The following GAB1 variants were observed in gnomAD, a reference collection of about 807,000 sequenced individuals.
The protein encoded by GAB1 is GRB2-associated-binding protein 1.
In GAB1, 19 loss-of-function variants were observed where a neutral mutation model predicts 66.5. That is an observed-to-expected ratio of 0.29 (90% confidence interval 0.20 to 0.42). The LOEUF is 0.42. Ranked by LOEUF, GAB1 falls within the 10% of genes least tolerant of loss-of-function variation. The pLI, the probability that GAB1 is intolerant of heterozygous loss-of-function variation, is 1.00. For synonymous variants in GAB1, 294 were observed against 301.4 expected (o/e 0.98, Z 0.25); for missense variants, 732 against 858.5 (o/e 0.85, Z 1.84).
intron 1 of GAB1, among the ~76,000 whole-genome samples, chr4:143,365,167 G>A (rs983079989): frequency 9.9e-5 from 15 of 151,728 alleles, no homozygotes; most frequent in Admixed American, 7.9e-4. Context: ...GTGAGCCATC[G>A]CGCCCGGCCC....
chr4:143,394,278 A>G (rs1234356222), intron 1 of GAB1, among the ~76,000 whole-genome samples: 38 of 152,132 alleles, frequency 2.5e-4, no homozygotes, highest in African/African-American at 7.7e-4. Context: ...ACTCTGTCTC[A>G]AAACAAAACA....
chr4:143,455,252 A>G (rs1236191397), intron 6 of GAB1, among the ~76,000 whole-genome samples: 4 of 152,214 alleles, frequency 2.6e-5, no homozygotes, highest in Non-Finnish European at 5.9e-5. Context: ...GTCATTACTA[A>G]GGGCTTTGGA....
chr4:143,366,832 A>G (rs745674499), intron 1 of GAB1, among the ~76,000 whole-genome samples: 27 of 152,044 alleles, frequency 1.8e-4, no homozygotes, highest in Non-Finnish European at 2.8e-4. Flanking sequence ...CAATTTTTGA[A>G]TTGAAAATCA....
intron 1 of GAB1, chr4:143,395,483 AACAGATAAC>A (rs1267259374): frequency 3.7e-5 from 6 of 161,242 alleles, no homozygotes; most frequent in African/African-American, 1.4e-4. Flanking sequence ...AGTTCTATCT[AACAGATAAC>A]ACAGTTGAGT....
chr4:143,426,561 A>G (rs1578697565), intron 2 of GAB1, among the ~76,000 whole-genome samples: 1 of 152,130 alleles, frequency 6.6e-6, no homozygotes. Context: ...AAATAAATAA[A>G]TAATAAAACA....
At chr4:143,374,026 T>G (rs1353369265) in intron 1 of GAB1, among the ~76,000 whole-genome samples, 1 of 151,754 alleles carries the variant, frequency 6.6e-6, no homozygotes, top group African/African-American at 2.4e-5. Flanking sequence ...TTTTGTCAGA[T>G]GCCTCCTTAT....
At chr4:143,465,604 C>G (rs1735740975) in intron 8 of GAB1, among the ~76,000 whole-genome samples, 1 of 152,080 alleles carries the variant, frequency 6.6e-6, no homozygotes, top group Non-Finnish European at 1.5e-5. Context: ...TAAATACGTT[C>G]TTTAGAATGT....
At chr4:143,429,208 T>G (rs1310119543) in intron 2 of GAB1, among the ~76,000 whole-genome samples, 2 of 152,170 alleles carry the variant, frequency 1.3e-5, no homozygotes, top group Non-Finnish European at 2.9e-5. Flanking sequence ...ATTCAAGTGA[T>G]TCTCCCACCT....
intron 4 of GAB1, among the ~76,000 whole-genome samples, chr4:143,439,384 A>C (rs530061495): frequency 1.4e-4 from 21 of 152,340 alleles, no homozygotes; most frequent in Non-Finnish European, 2.8e-4. Flanking sequence ...TGTGATTATT[A>C]CTTAAATCAG....
intron 6 of GAB1, among the ~76,000 whole-genome samples, chr4:143,456,034 T>C (rs1291088802): frequency 6.6e-6 from 1 of 152,180 alleles, no homozygotes; most frequent in African/African-American, 2.4e-5. Flanking sequence ...TGAATCTCAT[T>C]CATAAAATGA....
rs1443441560 is a variant in GAB1, at chr4:143,472,207, C to T, written c.*3018C>T. The T allele has an allele frequency of 6.6e-6, 1 of 152,064 alleles. No homozygotes were observed. The highest frequency in any genetic ancestry group is 6.6e-5 in the Admixed American group (1 of 15,260). The allele number at this position is 152,064 out of a possible 1,614,324, so 9.4% of individuals were successfully genotyped here. A position where few individuals can be genotyped will look rare whatever the true frequency, so the allele number is the denominator to read the frequency against. ...TCAGTTTATACATCTTTATCATTAT[C>T]AATACTATATAAGTTACTGTGAGCA... is the stretch of plus-strand genomic sequence containing the variant. On this transcript the variant is annotated 3_prime_UTR_variant, in exon 10 of 10. Transcript: ENST00000262994.
intron 1 of GAB1, among the ~76,000 whole-genome samples, chr4:143,387,310 T>C (rs1730964013): frequency 6.6e-6 from 1 of 152,176 alleles, no homozygotes; most frequent in Non-Finnish European, 1.5e-5. Flanking sequence ...TTTGTATTTT[T>C]AATAGAGACA....
intron 2 of GAB1, among the ~76,000 whole-genome samples, chr4:143,429,757 A>G (rs1307837039): frequency 1.3e-5 from 2 of 152,216 alleles, no homozygotes; most frequent in South Asian, 2.1e-4. Flanking sequence ...AGTTTCTCCA[A>G]TTGCATCCTG....
chr4:143,430,499 C>G (rs1227092778), intron 2 of GAB1, among the ~76,000 whole-genome samples: 2 of 152,164 alleles, frequency 1.3e-5, no homozygotes, highest in South Asian at 2.1e-4. Flanking sequence ...GCTCCAGGAG[C>G]CCTCTGTAGC....
intron 1 of GAB1, among the ~76,000 whole-genome samples, chr4:143,390,418 GT>G (rs80082217): frequency 6.0e-4 from 82 of 137,142 alleles, no homozygotes; most frequent in African/African-American, 1.0e-3. Context: ...GGTTTTTTTT[GT>G]TTTTTTTTTT....
chr4:143,347,224 A>G (rs530771700), intron 1 of GAB1, among the ~76,000 whole-genome samples: 2 of 152,344 alleles, frequency 1.3e-5, no homozygotes, highest in South Asian at 4.1e-4. Context: ...TGAACAGCAC[A>G]ATCAAATAAT....
intron 1 of GAB1, among the ~76,000 whole-genome samples, chr4:143,367,706 A>G (rs1405179633): frequency 6.7e-6 from 1 of 150,098 alleles, no homozygotes; most frequent in Admixed American, 6.7e-5. Flanking sequence ...ATAGAAGTGC[A>G]AATCAGATGA....
chr4:143,376,729 T>A (rs1293422749), intron 1 of GAB1: 1 of 152,236 alleles, frequency 6.6e-6, no homozygotes, highest in African/African-American at 2.4e-5. Flanking sequence ...TTGTGGTTAT[T>A]TTAAGACTCA....
At chr4:143,391,460 C>A (rs991771613) in intron 1 of GAB1, 2 of 152,198 alleles carry the variant, frequency 1.3e-5, no homozygotes, top group Admixed American at 6.5e-5. Context: ...ATCTGGGCAA[C>A]AAGAAAGGCT....
Sources: gnomAD v4.1 joint callset for allele counts (sites outside exome capture counted in the v4.1 genomes callset) on GRCh38, gnomAD v4.1.1 for gene constraint, MANE v1.5 for transcripts, NCBI Gene and HGNC (gene_info 2026-07-23, HGNC 2026-07-21) for gene names.